The following XRRA1 variants were observed in gnomAD, a reference collection of about 807,000 sequenced individuals.
XRRA1 encodes X-ray radiation resistance-associated protein 1.
In XRRA1, 69 loss-of-function variants were observed where a neutral mutation model predicts 80.2. That is an observed-to-expected ratio of 0.86 (90% CI 0.71 to 1.05). XRRA1 has a LOEUF of 1.05. XRRA1 is among the 50% of genes least tolerant of loss of function. The pLI is 0.00. For synonymous variants in XRRA1, 348 were observed against 389.9 expected (o/e 0.89, Z 1.27); for missense variants, 967 against 976.4 (o/e 0.99, Z 0.13).
intron 8 of XRRA1, chr11:74,919,095 A>G (rs1436016101): frequency 6.6e-6 from 1 of 152,316 alleles, no homozygotes; most frequent in Non-Finnish European, 1.5e-5. Flanking sequence ...CATCCCTTCT[A>G]ACAGCCATGT....
Position 74,895,240 on chromosome 11 carries a change from G to C in XRRA1, c.1003+10999C>G, listed in dbSNP as rs569240358. Among the ~76,000 whole-genome samples, 4 of 152,352 alleles carry C rather than the reference G, an allele frequency of 2.6e-5. No individual in the cohort carries two copies. In the East Asian group the frequency reaches 7.7e-4, roughly 29 times the overall value. On this transcript the variant is annotated intron_variant, in intron 10 of 18. Transcript: ENST00000684022. ...GCAGAAGCCATGTGGTGCAGAGACA[G>C]AATCTGTGCATTTTGCGGATGGAGA...
intron 10 of XRRA1, among the ~76,000 whole-genome samples, chr11:74,888,041 A>T (rs1223023750): frequency 1.3e-5 from 2 of 152,178 alleles, no homozygotes; most frequent in Non-Finnish European, 2.9e-5. Context: ...CCGCAGACTT[A>T]AATGTCCGTG....
At chr11:74,891,753 A>C (rs914355124) in intron 10 of XRRA1, among the ~76,000 whole-genome samples, 66 of 152,170 alleles carry the variant, frequency 4.3e-4, no homozygotes, top group Non-Finnish European at 9.1e-4. Context: ...ATTCTTATAC[A>C]CCAATAACAG....
At chr11:74,865,869 T>C (rs544278700) in intron 10 of XRRA1, among the ~76,000 whole-genome samples, 2 of 152,310 alleles carry the variant, frequency 1.3e-5, no homozygotes, top group East Asian at 3.9e-4. Context: ...CCAGAGCCAT[T>C]TGGGCCAGAA....
Position 74,940,887 on chromosome 11 carries a change from G to C in XRRA1, c.-4-5C>G. ...ATTCCTGAGAAGGCCATCTCCCTGA[G>C]AGCCAGGCAAGGAAAGCAAGGAAGC... On this transcript the variant is annotated splice_region_variant and splice_polypyrimidine_tract_variant and intron_variant, in intron 2 of 18. Coordinates refer to ENST00000684022, the MANE Select transcript of XRRA1 (RefSeq NM_001378157.1). The C allele has an allele frequency of 6.2e-7, 1 of 1,601,946 alleles. No homozygotes were observed. Among genetic ancestry groups the C allele is most frequent in the Non-Finnish European group, 8.5e-7 (1 of 1,173,750 alleles).
Position 74,859,252 on chromosome 11 carries a change from A to G in XRRA1, c.1076T>C (p.Phe359Ser). ...CAGTGACTTCACAGGAAGGATCTCGAATATGGGAGGAAGTGAACATATCTT... is the reference window on the plus strand; with the variant it reads ...CAGTGACTTCACAGGAAGGATCTCGGATATGGGAGGAAGTGAACATATCTT... ...TTKICSLPPI[F>S]EILPVKSLKA... Residue 359 changes from phenylalanine to serine, a missense_variant, in exon 12 of 19, where the codon TTC (phenylalanine) becomes TCC (serine). By Grantham distance (155) the Phe-to-Ser change is radical. Coordinates refer to ENST00000684022, the MANE Select transcript of XRRA1 (RefSeq NM_001378157.1). The G allele has an allele frequency of 6.2e-7, 1 of 1,610,070 alleles. No individual in the cohort carries two copies. The highest frequency in any genetic ancestry group is 8.5e-7 in the Non-Finnish European group (1 of 1,178,506).
At chr11:74,849,235 AAAG>A (rs2039149413) in intron 14 of XRRA1, among the ~76,000 whole-genome samples, 1 of 152,108 alleles carries the variant, frequency 6.6e-6, no homozygotes, top group South Asian at 2.1e-4. Flanking sequence ...TGTGTAGTGG[AAAG>A]ATTGCAAGCA....
chr11:74,884,983 C>T (rs971305320), intron 10 of XRRA1, among the ~76,000 whole-genome samples: 26 of 152,086 alleles, frequency 1.7e-4, no homozygotes, highest in African/African-American at 6.3e-4. Context: ...AGATCCACAG[C>T]CTGGATATGG....
intron 10 of XRRA1, chr11:74,863,444 A>G (rs1015051161): frequency 2.3e-5 from 4 of 172,388 alleles, no homozygotes; most frequent in African/African-American, 9.5e-5. Flanking sequence ...GAAGAGAAAA[A>G]TGTATATAGA....
intron 8 of XRRA1, among the ~76,000 whole-genome samples, chr11:74,908,843 G>A (rs910975195): frequency 2.6e-5 from 4 of 152,154 alleles, no homozygotes; most frequent in East Asian, 1.9e-4. Flanking sequence ...TAATCTCTTC[G>A]TGGCTGGATC....
At chr11:74,874,309 G>A (rs1401587852) in intron 10 of XRRA1, among the ~76,000 whole-genome samples, 2 of 145,222 alleles carry the variant, frequency 1.4e-5, no homozygotes, top group African/African-American at 5.1e-5. Context: ...CTGAGAACCT[G>A]AAGCTCAAAA....
chr11:74,907,865 T>C (rs1381036444), intron 8 of XRRA1, among the ~76,000 whole-genome samples: 1 of 152,142 alleles, frequency 6.6e-6, no homozygotes, highest in Non-Finnish European at 1.5e-5. Flanking sequence ...TCTCTGAAGA[T>C]TCCCAGAAAT....
rs1020937310 is a variant in XRRA1, at chr11:74,861,338, G to A, written c.1044+1643C>T. Among the ~76,000 whole-genome samples, 4 of 152,184 alleles carry A rather than the reference G, an allele frequency of 2.6e-5. No homozygotes were observed. The South Asian group carries it at 6.2e-4, about 24-fold the overall frequency. Reference sequence around the variant, plus strand: ...TCATCTGTATTTACAGCCACTCCCCGTTGCTCAAATTACTGCCTGAGCTGC... The same window carrying A: ...TCATCTGTATTTACAGCCACTCCCCATTGCTCAAATTACTGCCTGAGCTGC... On this transcript the variant is annotated intron_variant, in intron 11 of 18. Coordinates refer to ENST00000684022, the MANE Select transcript of XRRA1 (RefSeq NM_001378157.1).
intron 15 of XRRA1, among the ~76,000 whole-genome samples, chr11:74,847,809 C>G (rs2038696513): frequency 6.6e-6 from 1 of 152,218 alleles, no homozygotes; most frequent in African/African-American, 2.4e-5. Context: ...CAGAGAGGTA[C>G]AGGCAGCAGC....
intron 10 of XRRA1, among the ~76,000 whole-genome samples, chr11:74,880,342 C>T (rs1380795098): frequency 2.7e-5 from 4 of 150,590 alleles, no homozygotes; most frequent in African/African-American, 7.3e-5. Context: ...TGCATCTATT[C>T]GATTCTTCTT....
chr11:74,924,175 A>T (rs1941627616), intron 7 of XRRA1, among the ~76,000 whole-genome samples: 1 of 151,308 alleles, frequency 6.6e-6, no homozygotes. Context: ...GAAAAAAATA[A>T]AAAAAAAGAG....
intron 14 of XRRA1, among the ~76,000 whole-genome samples, chr11:74,850,038 A>G (rs1248868396): frequency 6.6e-6 from 1 of 152,194 alleles, no homozygotes; most frequent in Non-Finnish European, 1.5e-5. Context: ...GCCTACATTA[A>G]CAAAGCATTG....
At chr11:74,916,165 T>C (rs768143657) in intron 8 of XRRA1, among the ~76,000 whole-genome samples, 21 of 152,208 alleles carry the variant, frequency 1.4e-4, no homozygotes, top group Non-Finnish European at 2.4e-4. Context: ...TCATCCTATC[T>C]TGGAGTTCAC....
intron 10 of XRRA1, among the ~76,000 whole-genome samples, chr11:74,872,777 A>C (rs2045142617): frequency 2.0e-5 from 3 of 152,152 alleles, no homozygotes; most frequent in African/African-American, 7.2e-5. Flanking sequence ...CAGGAGCCCC[A>C]GGTGATTCTG....
Sources: gnomAD v4.1 joint callset for allele counts (sites outside exome capture counted in the v4.1 genomes callset) on GRCh38, gnomAD v4.1.1 for gene constraint, MANE v1.5 for transcripts, NCBI Gene and HGNC (gene_info 2026-07-23, HGNC 2026-07-21) for gene names.